The following NBPF11 variants were observed in gnomAD, a reference collection of about 807,000 sequenced individuals.
NBPF11 encodes NBPF family member NBPF11.
A neutral mutation model predicts 93.9 loss-of-function variants in NBPF11; 72 were observed. That is an observed-to-expected ratio of 0.77 (90% confidence interval 0.63 to 0.93). The LOEUF is 0.93. Ranked by LOEUF, NBPF11 falls within the 40% of genes least tolerant of loss-of-function variation. The pLI is 0.00. For synonymous variants in NBPF11, 224 were observed against 304.9 expected, an observed-to-expected ratio of 0.73 and a Z score of 2.76; for missense variants, 705 against 802.2, an observed-to-expected ratio of 0.88 and a Z score of 1.46.
chr1:148,119,766 C>T (rs1211443561), intron 10 of NBPF11, among the ~76,000 whole-genome samples: 1 of 151,976 alleles, frequency 6.6e-6, no homozygotes, highest in Non-Finnish European at 1.5e-5. Context: ...AAGGATTCTA[C>T]TGCCTCAGCC....
chr1:148,145,201 CTTTTTTTTTT>C (rs1190949525), intron 1 of NBPF11, among the ~76,000 whole-genome samples: 6 of 75,608 alleles, frequency 7.9e-5, no homozygotes, highest in African/African-American at 3.5e-4. Context: ...TTTTTTCTTT[CTTTTTTTTTT>C]TTTTTTTTTT....
At chr1:148,135,934 A>G (rs1168132823) in intron 3 of NBPF11, 121 bp from the exon 4 acceptor site, 14 of 714,898 alleles carry the variant, frequency 2.0e-5, no homozygotes, top group Non-Finnish European at 3.1e-5. Context: ...AGAAGCTCAT[A>G]CTGGTCACAG....
intron 2 of NBPF11, among the ~76,000 whole-genome samples, chr1:148,142,991 A>G (rs1365476056): frequency 1.3e-4 from 20 of 152,256 alleles, no homozygotes; most frequent in Admixed American, 3.9e-4. Context: ...GACAGTGCAG[A>G]GCCTTAGCCT....
chr1:148,151,092 T>A (rs1265778236), intron 1 of NBPF11, among the ~76,000 whole-genome samples: 1 of 151,782 alleles, frequency 6.6e-6, no homozygotes, highest in Non-Finnish European at 1.5e-5. Flanking sequence ...CCAAATGAGA[T>A]GATCTAAGAA....
intron 2 of NBPF11, among the ~76,000 whole-genome samples, chr1:148,140,277 T>C (rs1671966261): frequency 6.6e-6 from 1 of 151,858 alleles, no homozygotes; most frequent in African/African-American, 2.4e-5. Context: ...CTTTATAAAA[T>C]AAATCTTACA....
At chr1:148,146,428 C>T (rs1673091816) in intron 1 of NBPF11, 5 of 1,603,810 alleles carry the variant, frequency 3.1e-6, no homozygotes, top group African/African-American at 2.7e-5. Context: ...GCTCTGCTGC[C>T]TCTTCTGCTG....
chr1:148,146,693 C>T, intron 1 of NBPF11: 2 of 1,611,918 alleles, frequency 1.2e-6, no homozygotes, highest in Non-Finnish European at 8.5e-7. Flanking sequence ...AACCGTGTCT[C>T]CTGCATGTAT....
At chr1:148,125,393 C>T (rs1192850840) in intron 5 of NBPF11, among the ~76,000 whole-genome samples, 2 of 151,950 alleles carry the variant, frequency 1.3e-5, no homozygotes, top group Admixed American at 6.6e-5. Context: ...GCCCCTAGGA[C>T]TATGGGACTG....
At chr1:148,116,999 T>C (rs1666719598) in intron 12 of NBPF11, among the ~76,000 whole-genome samples, 1 of 152,186 alleles carries the variant, frequency 6.6e-6, no homozygotes, top group Non-Finnish European at 1.5e-5. Context: ...ATTCTATCCA[T>C]GGGGAGTGCT....
intron 4 of NBPF11, among the ~76,000 whole-genome samples, 179 bp downstream of exon 4, chr1:148,135,490 AATT>A (rs1671129203): frequency 2.0e-5 from 3 of 151,024 alleles, no homozygotes; most frequent in Admixed American, 6.6e-5. Flanking sequence ...ATGCCCATAA[AATT>A]ATTATCTAAA....
chr1:148,108,302 T>C (rs1468468826), intron 18 of NBPF11, among the ~76,000 whole-genome samples, 180 bp downstream of exon 18: 1 of 151,806 alleles, frequency 6.6e-6, no homozygotes, highest in African/African-American at 2.4e-5. Context: ...CCTTGCTCAC[T>C]GACCCATCCC....
intron 9 of NBPF11, among the ~76,000 whole-genome samples, chr1:148,120,928 T>C (rs1667676924): frequency 1.3e-5 from 2 of 152,116 alleles, no homozygotes; most frequent in Non-Finnish European, 2.9e-5. Context: ...CTTCTACACT[T>C]GCTTATACGT....
At chr1:148,132,137 T>G (rs1359268597) in intron 4 of NBPF11, among the ~76,000 whole-genome samples, 3 of 142,536 alleles carry the variant, frequency 2.1e-5, no homozygotes, top group Admixed American at 2.0e-4. Flanking sequence ...TATATATGTG[T>G]GTGTGTGTAT....
chr1:148,144,448 A>G (rs1200932193), intron 1 of NBPF11, among the ~76,000 whole-genome samples: 5 of 151,856 alleles, frequency 3.3e-5, no homozygotes, highest in Admixed American at 1.3e-4. Flanking sequence ...TCATTCATTC[A>G]TTCATTTAAC....
chr1:148,144,366 T>C (rs1366308322), intron 1 of NBPF11, among the ~76,000 whole-genome samples: 1 of 150,848 alleles, frequency 6.6e-6, no homozygotes, highest in Non-Finnish European at 1.5e-5. Flanking sequence ...TTCTGCTCTA[T>C]ACAAGCTATT....
intron 7 of NBPF11, 77 bp downstream of exon 7, chr1:148,123,776 T>A (rs1668450921): frequency 6.2e-7 from 1 of 1,606,206 alleles, no homozygotes; most frequent in African/African-American, 1.3e-5. Flanking sequence ...GATACAACTG[T>A]CATTGTGAAA....
intron 1 of NBPF11, among the ~76,000 whole-genome samples, chr1:148,148,463 C>T (rs2149313534): frequency 6.6e-6 from 1 of 152,162 alleles, no homozygotes; most frequent in South Asian, 2.1e-4. Context: ...GGGCCGCACA[C>T]CAATGACCTG....
chr1:148,127,696 G>A (rs1242461293), intron 4 of NBPF11, among the ~76,000 whole-genome samples: 13 of 126,426 alleles, frequency 1.0e-4, no homozygotes, highest in Non-Finnish European at 1.6e-4. Context: ...AGGCTGGAGT[G>A]CAGTGACGCG....
intron 4 of NBPF11, 85 bp from the exon 5 acceptor site, chr1:148,127,123 C>A: frequency 2.2e-6 from 1 of 454,038 alleles, no homozygotes; most frequent in Non-Finnish European, 3.7e-6. Context: ...ATGTCAGTAA[C>A]TGAAATTCTT....
Sources: gnomAD v4.1 joint callset for allele counts (sites outside exome capture counted in the v4.1 genomes callset) on GRCh38, gnomAD v4.1.1 for gene constraint, MANE v1.5 for transcripts, NCBI Gene and HGNC (gene_info 2026-07-23, HGNC 2026-07-21) for gene names.